SPON1: variants seen among roughly 807,000 people sequenced by gnomAD.
SPON1 encodes the protein spondin-1.
A neutral mutation model predicts 111.7 loss-of-function variants in SPON1; 52 were observed. The ratio of observed to expected loss-of-function variants is 0.47; its 90% confidence interval spans 0.37 to 0.59. The LOEUF is 0.59. Among genes scored for constraint, SPON1 ranks in the 20% least tolerant of loss-of-function variants. The pLI is 0.00. For synonymous variants in SPON1, 410 were observed against 395.8 expected, an observed-to-expected ratio of 1.04 and a Z score of -0.43; for missense variants, 957 against 1,068.5, an observed-to-expected ratio of 0.90 and a Z score of 1.46.
At chr11:14,024,494 CTG>C (rs1848503645) in intron 2 of SPON1, among the ~76,000 whole-genome samples, 1 of 152,122 alleles carries the variant, frequency 6.6e-6, no homozygotes, top group Admixed American at 6.5e-5. Context: ...CAGTGGCAGA[CTG>C]TCCTCTGATG....
At chr11:13,970,248 T>C (rs1486784689) in intron 1 of SPON1, among the ~76,000 whole-genome samples, 1 of 151,940 alleles carries the variant, frequency 6.6e-6, no homozygotes, top group African/African-American at 2.4e-5. Context: ...GGGCAAGGAG[T>C]TAAGTGAGAC....
intron 6 of SPON1, among the ~76,000 whole-genome samples, chr11:14,200,814 T>TAAAAAAA (rs572814576): frequency 6.3e-5 from 5 of 79,350 alleles, no homozygotes; most frequent in Admixed American, 1.5e-4. Flanking sequence ...GACCCTGTCT[T>TAAAAAAA]AAAAAAAAAA....
chr11:14,017,028 A>G (rs960270989), intron 2 of SPON1, among the ~76,000 whole-genome samples: 1 of 152,130 alleles, frequency 6.6e-6, no homozygotes, highest in Non-Finnish European at 1.5e-5. Flanking sequence ...TGTAAGGGAA[A>G]CTTTTGTATG....
intron 1 of SPON1, among the ~76,000 whole-genome samples, chr11:13,964,733 CGACGGGCGG>C: frequency 6.6e-6 from 1 of 152,248 alleles, no homozygotes; most frequent in East Asian, 1.9e-4. Flanking sequence ...CGAGCCGCGC[CGACGGGCGG>C]CGACTGCCAC....
chr11:14,028,339 A>G (rs1269420106), intron 2 of SPON1, among the ~76,000 whole-genome samples: 1 of 151,838 alleles, frequency 6.6e-6, no homozygotes, highest in East Asian at 1.9e-4. Context: ...AAAAAATATT[A>G]CCTCGGCATG....
chr11:14,001,566 A>G (rs1848319215), intron 2 of SPON1, among the ~76,000 whole-genome samples: 1 of 152,220 alleles, frequency 6.6e-6, no homozygotes, highest in Non-Finnish European at 1.5e-5. Context: ...AAGACCACAC[A>G]CAAAGATTCT....
chr11:14,250,378 T>G (rs1156999958), intron 7 of SPON1, among the ~76,000 whole-genome samples: 1 of 151,810 alleles, frequency 6.6e-6, no homozygotes, highest in African/African-American at 2.4e-5. Context: ...TTTTTTTTTT[T>G]CTTGTGTGGT....
At chr11:14,115,237 C>A (rs1328568122) in intron 5 of SPON1, among the ~76,000 whole-genome samples, 1 of 152,214 alleles carries the variant, frequency 6.6e-6, no homozygotes, top group African/African-American at 2.4e-5. Flanking sequence ...AACTCTGCTT[C>A]TGCCGTCACT....
chr11:14,054,889 G>C (rs1816345279), intron 3 of SPON1, among the ~76,000 whole-genome samples: 1 of 152,174 alleles, frequency 6.6e-6, no homozygotes, highest in African/African-American at 2.4e-5. Context: ...GTGCAAATCG[G>C]TCTCAAAGTA....
chr11:14,208,006 T>C (rs1313279636), intron 6 of SPON1, among the ~76,000 whole-genome samples: 1 of 152,228 alleles, frequency 6.6e-6, no homozygotes, highest in Non-Finnish European at 1.5e-5. Flanking sequence ...ATATGTACCA[T>C]AGAATACTAT....
At chr11:14,083,645 T>C (rs1848981555) in intron 5 of SPON1, among the ~76,000 whole-genome samples, 1 of 152,212 alleles carries the variant, frequency 6.6e-6, no homozygotes, top group Non-Finnish European at 1.5e-5. Flanking sequence ...TTGACACAGT[T>C]CATTAAACAA....
At chr11:14,008,688 C>A (rs1359194874) in intron 2 of SPON1, among the ~76,000 whole-genome samples, 1 of 152,208 alleles carries the variant, frequency 6.6e-6, no homozygotes, top group East Asian at 1.9e-4. Context: ...CTGAGACCAT[C>A]TCTACTCAGG....
intron 7 of SPON1, among the ~76,000 whole-genome samples, chr11:14,253,249 C>T (rs1297058260): frequency 6.6e-6 from 1 of 152,234 alleles, no homozygotes; most frequent in Non-Finnish European, 1.5e-5. Flanking sequence ...TTTCCTCCCA[C>T]CTGTCCCCTT....
chr11:14,090,894 G>A (rs962919139), intron 5 of SPON1, among the ~76,000 whole-genome samples: 3 of 138,306 alleles, frequency 2.2e-5, no homozygotes, highest in East Asian at 2.2e-4. Flanking sequence ...TTGTCAGGGC[G>A]CTGATTGGTG....
Position 14,209,826 on chromosome 11 carries a change from G to A in SPON1, c.826-33506G>A, listed in dbSNP as rs1476074619. 3.3e-5 allele frequency among the ~76,000 whole-genome samples: 5 copies of A among 152,184 alleles called. No homozygotes were observed. In the East Asian group the frequency reaches 7.7e-4, roughly 23 times the overall value. On this transcript the variant is annotated intron_variant, in intron 6 of 15. Coordinates refer to ENST00000576479, the MANE Select transcript of SPON1 (RefSeq NM_006108.4). ...GTATTTCTAGTTCTAGGTCCTTGAG[G>A]AATTGCCACACTGTGTTCCACAATA... is the stretch of plus-strand genomic sequence containing the variant.
At chr11:14,257,626 T>C in intron 10 of SPON1, 90 bp from the exon 11 acceptor site, 1 of 1,300,136 alleles carries the variant, frequency 7.7e-7, no homozygotes, top group Non-Finnish European at 1.0e-6. Flanking sequence ...CAGCATGGCT[T>C]TTCTTGTCCC....
intron 1 of SPON1, among the ~76,000 whole-genome samples, chr11:13,969,232 A>AG (rs1848043900): frequency 6.7e-6 from 1 of 149,544 alleles, no homozygotes; most frequent in Non-Finnish European, 1.5e-5. Flanking sequence ...AAAAAAAAAA[A>AG]AAAATTAGCT....
At chr11:14,143,944 C>T (rs1338288780) in intron 6 of SPON1, among the ~76,000 whole-genome samples, 4 of 152,078 alleles carry the variant, frequency 2.6e-5, no homozygotes, top group Non-Finnish European at 4.4e-5. Context: ...ACTTATTTAC[C>T]CTTGCCACCT....
At chr11:14,260,331 T>C (rs569056181) in intron 13 of SPON1, among the ~76,000 whole-genome samples, 1 of 152,250 alleles carries the variant, frequency 6.6e-6, no homozygotes, top group Admixed American at 6.5e-5. Flanking sequence ...TGGGGACTTA[T>C]GTAGTCATAT....
Sources: gnomAD v4.1 joint callset for allele counts (sites outside exome capture counted in the v4.1 genomes callset) on GRCh38, gnomAD v4.1.1 for gene constraint, MANE v1.5 for transcripts, NCBI Gene and HGNC (gene_info 2026-07-23, HGNC 2026-07-21) for gene names.